Variants in ADGRB3 observed in about 807,000 individuals in gnomAD.
ADGRB3 encodes brain-specific angiogenesis inhibitor 3.
ADGRB3 carries 37 observed loss-of-function variants against 193.4 expected under a neutral mutation model. The ratio of observed to expected loss-of-function variants is 0.19; its 90% confidence interval spans 0.15 to 0.25. The LOEUF (loss-of-function observed/expected upper bound fraction) is 0.25. ADGRB3 is among the 10% of genes least tolerant of loss of function. The pLI is 1.00. For missense variants in ADGRB3, 1,637 were observed against 1,852.9 expected (o/e 0.88, Z 2.14); for synonymous variants, 690 against 644.2 (o/e 1.07, Z -1.08).
At position 69,156,825 on chromosome 6, in the gene ADGRB3, T is replaced by C. The variant is rs573353970; in HGVS notation, c.2481-76465T>C. 3.9e-5 allele frequency among the ~76,000 whole-genome samples: 6 copies of C among 152,384 alleles called. No homozygotes were observed. The South Asian group carries it at 1.2e-3, about 32-fold the overall frequency. On this transcript the variant is annotated intron_variant, in intron 17 of 31. Coordinates refer to ENST00000370598, the MANE Select transcript of ADGRB3 (RefSeq NM_001704.3). Reference sequence around the variant, plus strand: ...TGAATGTTTAAGATGAAAATGACCTTAGAAGTCTTTTTCTCTTTGGTTTAC... The same window carrying C: ...TGAATGTTTAAGATGAAAATGACCTCAGAAGTCTTTTTCTCTTTGGTTTAC...
At chr6:69,280,298 G>C (rs1767408120) in intron 20 of ADGRB3, among the ~76,000 whole-genome samples, 1 of 152,110 alleles carries the variant, frequency 6.6e-6, no homozygotes, top group Admixed American at 6.6e-5. Context: ...AGGTAGAACT[G>C]ACCTGCGTCC....
At position 69,040,307 on chromosome 6, in the gene ADGRB3, CTCTTTCTTTCTT is replaced by C. The variant is rs58811960; in HGVS notation, c.2108-7819_2108-7808del. Among the ~76,000 whole-genome samples, 235 of 94,780 alleles carry C rather than the reference CTCTTTCTTTCTT, an allele frequency of 2.5e-3. 2 individuals are homozygous for C. Among genetic ancestry groups the C allele is most frequent in the Middle Eastern group, 0.017 (3 of 180 alleles). The allele number at this position is 94,780 out of a possible 152,430, so 62.2% of individuals were successfully genotyped here. A position where few individuals can be genotyped will look rare whatever the true frequency, so the allele number is the denominator to read the frequency against. ...TTTTTGCCTTCCTTCCTTTCTCTGTCTCTTTCTTTCTTTCTTTCTTTCTTTCTTTCTTTCTTT... is the reference window on the plus strand; with the variant it reads ...TTTTTGCCTTCCTTCCTTTCTCTGTCTCTTTCTTTCTTTCTTTCTTTCTTT... On this transcript the variant is annotated intron_variant, in intron 13 of 31. Transcript: ENST00000370598.
rs999160867 is a variant in ADGRB3, at chr6:68,978,387, G to A, written c.1734+3047G>A. 2.0e-5 allele frequency among the ~76,000 whole-genome samples: 3 copies of A among 151,304 alleles called. No homozygotes were observed. In the Admixed American group the frequency reaches 2.0e-4, roughly 10 times the overall value. Reference sequence around the variant, plus strand: ...AGATGATAGAGATAAGATAGATGTTGCATATATTTTGGCATATGAATTATG... The same window carrying A: ...AGATGATAGAGATAAGATAGATGTTACATATATTTTGGCATATGAATTATG... On this transcript the variant is annotated intron_variant, in intron 10 of 31. Transcript: ENST00000370598.
chr6:69,233,557 A>T, intron 18 of ADGRB3, 141 bp downstream of exon 18: 1 of 1,085,822 alleles, frequency 9.2e-7, no homozygotes, highest in African/African-American at 1.6e-5. Context: ...CCTTAGCTAT[A>T]GTAGCTTGGT....
At chr6:69,028,263 G>T in intron 13 of ADGRB3, among the ~76,000 whole-genome samples, 1 of 152,184 alleles carries the variant, frequency 6.6e-6, no homozygotes, top group Admixed American at 6.5e-5. Flanking sequence ...CTTTAGAATA[G>T]AACTCTTAAG....
intron 29 of ADGRB3, among the ~76,000 whole-genome samples, chr6:69,368,825 A>C (rs1019784347): frequency 6.6e-6 from 1 of 152,126 alleles, no homozygotes; most frequent in African/African-American, 2.4e-5. Flanking sequence ...GATGGAGCTC[A>C]TCAGAGACTG....
At chr6:69,171,085 T>C (rs1385120652) in intron 17 of ADGRB3, among the ~76,000 whole-genome samples, 1 of 152,194 alleles carries the variant, frequency 6.6e-6, no homozygotes, top group Non-Finnish European at 1.5e-5. Context: ...TCTAAAATAC[T>C]AATATTTTCA....
intron 17 of ADGRB3, among the ~76,000 whole-genome samples, chr6:69,231,813 C>T (rs1423819727): frequency 1.3e-5 from 2 of 151,810 alleles, no homozygotes; most frequent in Admixed American, 6.6e-5. Context: ...TTTTCTTCTT[C>T]AAAAAAGTTG....
At chr6:68,914,587 T>A (rs1025696877) in intron 3 of ADGRB3, among the ~76,000 whole-genome samples, 1 of 152,072 alleles carries the variant, frequency 6.6e-6, no homozygotes, top group Non-Finnish European at 1.5e-5. Flanking sequence ...CACTGCAAAA[T>A]CATGCCAAAT....
At chr6:68,803,534 C>A (rs1767350021) in intron 3 of ADGRB3, among the ~76,000 whole-genome samples, 1 of 152,172 alleles carries the variant, frequency 6.6e-6, no homozygotes, top group African/African-American at 2.4e-5. Flanking sequence ...AATCTTCTAC[C>A]CATGTTCTTT....
intron 17 of ADGRB3, among the ~76,000 whole-genome samples, chr6:69,100,828 AG>A: frequency 1.3e-5 from 1 of 77,640 alleles, no homozygotes; most frequent in South Asian, 5.3e-4. Context: ...GAAGGAAAGA[AG>A]GAAGGAAGGA....
intron 24 of ADGRB3, among the ~76,000 whole-genome samples, chr6:69,335,744 C>A (rs145996538): frequency 3.5e-4 from 53 of 152,156 alleles, no homozygotes; most frequent in African/African-American, 1.2e-3. Context: ...ACAACCAATC[C>A]TCCTAATTGT....
At chr6:69,374,081 C>T (rs1407629114) in intron 30 of ADGRB3, among the ~76,000 whole-genome samples, 2 of 152,016 alleles carry the variant, frequency 1.3e-5, no homozygotes, top group African/African-American at 4.8e-5. Context: ...AACACAAGAA[C>T]CCCGGACATG....
At chr6:69,383,674 A>T (rs1286487085) in intron 31 of ADGRB3, among the ~76,000 whole-genome samples, 7 of 151,806 alleles carry the variant, frequency 4.6e-5, no homozygotes, top group Non-Finnish European at 1.0e-4. Context: ...CTCCAATTTC[A>T]CCCTCCTAAA....
intron 18 of ADGRB3, 36 bp from the exon 19 acceptor site, chr6:69,234,996 C>A (rs777742227): frequency 1.8e-5 from 27 of 1,517,328 alleles, no homozygotes; most frequent in African/African-American, 2.8e-5. Context: ...TTATTAAAAA[C>A]CAATTTGTTT....
chr6:68,938,207 A>G (rs1767533717), intron 5 of ADGRB3, among the ~76,000 whole-genome samples: 1 of 152,092 alleles, frequency 6.6e-6, no homozygotes, highest in South Asian at 2.1e-4. Flanking sequence ...AGAAAAAAGC[A>G]TGAAGTAAAA....
intron 3 of ADGRB3, among the ~76,000 whole-genome samples, chr6:68,816,387 A>G (rs1456608625): frequency 6.6e-6 from 1 of 152,036 alleles, no homozygotes; most frequent in Non-Finnish European, 1.5e-5. Context: ...AACTAATTAT[A>G]TAAAATTGAT....
At chr6:68,850,299 G>A (rs1768371645) in intron 3 of ADGRB3, among the ~76,000 whole-genome samples, 1 of 151,760 alleles carries the variant, frequency 6.6e-6, no homozygotes, top group Admixed American at 6.6e-5. Flanking sequence ...CCTGAGTATA[G>A]TTATCTTAAT....
At chr6:68,644,134 G>A (rs1032389742) in intron 3 of ADGRB3, among the ~76,000 whole-genome samples, 1 of 151,726 alleles carries the variant, frequency 6.6e-6, no homozygotes, top group Non-Finnish European at 1.5e-5. Context: ...AGGAAAGACA[G>A]CAATAAATAG....
Sources: allele counts gnomAD v4.1 joint callset (sites outside exome capture counted in the v4.1 genomes callset), GRCh38; gene constraint gnomAD v4.1.1; transcripts MANE v1.5; gene names NCBI Gene and HGNC (gene_info 2026-07-23, HGNC 2026-07-21).